Variants in SUMF1 observed in about 807,000 individuals in gnomAD.
The protein encoded by SUMF1 is formylglycine-generating enzyme.
In SUMF1, 48 loss-of-function variants were observed where a neutral mutation model predicts 47.6. The ratio of observed to expected loss-of-function variants is 1.01; its 90% CI spans 0.80 to 1.28. The LOEUF is 1.28. SUMF1 is among the 50% of genes most tolerant of loss of function. The pLI is 0.00. For synonymous variants in SUMF1, 230 were observed against 192.1 expected, an observed-to-expected ratio of 1.20 and a Z score of -1.63; for missense variants, 571 against 485.4, an observed-to-expected ratio of 1.18 and a Z score of -1.66.
chr3:4,313,798 T>A, intron 8 of SUMF1: 1 of 1,611,988 alleles, frequency 6.2e-7, no homozygotes, highest in East Asian at 2.2e-5. Flanking sequence ...TGCCCCTCCC[T>A]ATAGTGGAAG....
intron 8 of SUMF1, among the ~76,000 whole-genome samples, chr3:4,130,301 G>C (rs1693757155): frequency 6.6e-6 from 1 of 152,164 alleles, no homozygotes; most frequent in Non-Finnish European, 1.5e-5. Context: ...CCATTGACTT[G>C]ACAAATGCCT....
Position 4,394,943 on chromosome 3 carries a change from C to T in SUMF1, c.954+15922G>A, listed in dbSNP as rs993027305. Among the ~76,000 whole-genome samples the T allele has an allele frequency of 6.6e-5, 10 of 152,282 alleles. 1 individual carries two copies. The highest frequency in any genetic ancestry group is 3.4e-3 in the Middle Eastern group (1 of 294). On this transcript the variant is annotated intron_variant, in intron 7 of 8. Transcript: ENST00000272902. ...TCTTTCAATCACCTCAACCATCTTTCGAGAAAGGAACTCTTTGTTTTCAAA... is the reference window on the plus strand; with the variant it reads ...TCTTTCAATCACCTCAACCATCTTTTGAGAAAGGAACTCTTTGTTTTCAAA...
chr3:4,359,051 G>A (rs2819563), downstream of SUMF1, among the ~76,000 whole-genome samples: 17,456 of 152,024 alleles, frequency 0.11, 2,237 homozygotes, highest in African/African-American at 0.3. Context: ...AATTTTCCCC[G>A]TATGCCTCTA....
intron 8 of SUMF1, among the ~76,000 whole-genome samples, chr3:4,261,044 CA>C (rs1697075175): frequency 6.6e-6 from 1 of 152,166 alleles, no homozygotes; most frequent in Non-Finnish European, 1.5e-5. Flanking sequence ...TAAGTTGTTA[CA>C]CCAACAATAA....
At chr3:4,201,374 A>C (rs554705178) in intron 8 of SUMF1, among the ~76,000 whole-genome samples, 7 of 152,180 alleles carry the variant, frequency 4.6e-5, no homozygotes, top group African/African-American at 1.7e-4. Context: ...TAGTTCTCAT[A>C]AATAAGTGAG....
chr3:4,063,459 C>T (rs956116557), intron 9 of SUMF1, among the ~76,000 whole-genome samples: 7 of 152,072 alleles, frequency 4.6e-5, no homozygotes, highest in Non-Finnish European at 8.8e-5. Flanking sequence ...CCAAAGTGAA[C>T]ATGGGATGTA....
At chr3:4,268,355 G>A (rs2125032366) in intron 8 of SUMF1, among the ~76,000 whole-genome samples, 1 of 152,192 alleles carries the variant, frequency 6.6e-6, no homozygotes, top group East Asian at 1.9e-4. Context: ...AGTGGGTGCA[G>A]CGCACCAGCA....
intron 8 of SUMF1, among the ~76,000 whole-genome samples, chr3:4,314,954 T>C (rs1260719605): frequency 6.6e-6 from 1 of 152,218 alleles, no homozygotes; most frequent in Non-Finnish European, 1.5e-5. Flanking sequence ...CTCTGTAATA[T>C]AAGTACATTG....
intron 8 of SUMF1, among the ~76,000 whole-genome samples, chr3:4,234,425 A>G (rs1696365722): frequency 6.6e-6 from 1 of 152,018 alleles, no homozygotes; most frequent in African/African-American, 2.4e-5. Flanking sequence ...CTTTTGTTTT[A>G]TCCTCCCTCA....
At chr3:4,249,164 G>A (rs1696736795) in intron 8 of SUMF1, among the ~76,000 whole-genome samples, 1 of 152,200 alleles carries the variant, frequency 6.6e-6, no homozygotes, top group African/African-American at 2.4e-5. Flanking sequence ...TTCTCTAGCA[G>A]AGTGGGTATA....
At chr3:4,175,454 G>A (rs2600128) in intron 8 of SUMF1, among the ~76,000 whole-genome samples, 2,199 of 152,244 alleles carry the variant, frequency 0.014, 58 homozygotes, top group African/African-American at 0.05. Context: ...GGACCTGACT[G>A]TTAGAAGGAA....
intron 3 of SUMF1, among the ~76,000 whole-genome samples, chr3:4,448,459 C>A (rs923997378): frequency 9.9e-5 from 15 of 152,134 alleles, no homozygotes; most frequent in African/African-American, 3.4e-4. Flanking sequence ...GGCAGACCCC[C>A]GTTTCCTTCC....
chr3:4,128,928 T>C (rs1395027847), intron 8 of SUMF1, among the ~76,000 whole-genome samples: 1 of 152,064 alleles, frequency 6.6e-6, no homozygotes, highest in African/African-American at 2.4e-5. Flanking sequence ...AGCTGAAATA[T>C]GGATTGAAAG....
intron 8 of SUMF1, among the ~76,000 whole-genome samples, chr3:4,069,500 T>A (rs557334258): frequency 6.6e-6 from 1 of 152,168 alleles, no homozygotes; most frequent in South Asian, 2.1e-4. Flanking sequence ...GAGATACAGG[T>A]AACATGCAAT....
chr3:4,072,009 C>T (rs1189669297), intron 8 of SUMF1, among the ~76,000 whole-genome samples: 1 of 152,176 alleles, frequency 6.6e-6, no homozygotes, highest in African/African-American at 2.4e-5. Context: ...AGATACCTCC[C>T]AGTAGGGGCC....
intron 8 of SUMF1, among the ~76,000 whole-genome samples, chr3:4,153,514 C>A (rs13086648): frequency 0.34 from 49,512 of 145,194 alleles, 9,159 homozygotes; most frequent in Non-Finnish European, 0.42. Flanking sequence ...CAATGCCCCG[C>A]CTTGTAGGTT....
At chr3:4,369,443 CA>C (rs1700101445) in intron 8 of SUMF1, among the ~76,000 whole-genome samples, 2 of 152,116 alleles carry the variant, frequency 1.3e-5, no homozygotes, top group Admixed American at 1.3e-4. Flanking sequence ...TGCTGTGAAA[CA>C]ACAGTGCTTT....
At chr3:4,424,593 CTTAAAATTA>C (rs1702008439) in intron 3 of SUMF1, among the ~76,000 whole-genome samples, 2 of 25,064 alleles carry the variant, frequency 8.0e-5, no homozygotes, top group South Asian at 0.01. Context: ...TAGTTTCTAA[CTTAAAATTA>C]CAAAATAACC....
chr3:4,062,102 A>G (rs748714019), intron 9 of SUMF1, among the ~76,000 whole-genome samples: 6 of 152,030 alleles, frequency 3.9e-5, no homozygotes, highest in Non-Finnish European at 8.8e-5. Flanking sequence ...CCACAGATTC[A>G]GTCATGCCCT....
Sources: allele counts gnomAD v4.1 joint callset (sites outside exome capture counted in the v4.1 genomes callset), GRCh38; gene constraint gnomAD v4.1.1; transcripts MANE v1.5; gene names NCBI Gene and HGNC (gene_info 2026-07-23, HGNC 2026-07-21).